RNF144A: variants seen among roughly 807,000 people sequenced by gnomAD.
The protein encoded by RNF144A is ring finger protein 144A.
Under a neutral mutation model 38.7 loss-of-function variants are expected in RNF144A, and 11 were observed. The ratio of observed to expected loss-of-function variants is 0.28; its 90% CI spans 0.18 to 0.47. The LOEUF (loss-of-function observed/expected upper bound fraction) is 0.47, where lower values mean the gene tolerates loss of function less well. Among genes scored for constraint, RNF144A ranks in the 20% least tolerant of loss-of-function variants. RNF144A has a pLI of 0.99. For missense variants in RNF144A, 316 were observed against 377.2 expected (o/e 0.84, Z 1.34); for synonymous variants, 149 against 143.9 (o/e 1.04, Z -0.25).
downstream of RNF144A, among the ~76,000 whole-genome samples, chr2:7,048,150 A>G (rs1362021273): frequency 4.6e-5 from 7 of 152,162 alleles, no homozygotes; most frequent in Non-Finnish European, 1.5e-5. Context: ...AGCTCAGGAA[A>G]TCCTGAGGGG....
chr2:6,955,815 C>G (rs1182837124), intron 2 of RNF144A, among the ~76,000 whole-genome samples: 1 of 152,058 alleles, frequency 6.6e-6, no homozygotes, highest in African/African-American at 2.4e-5. Flanking sequence ...GCTACAGGCC[C>G]TTTACTGGTC....
chr2:7,014,794 C>A lies in RNF144A; in HGVS notation c.301+22C>A, dbSNP rs180778216. ...AGAGGTAGGTGCCTGGTATATCTGC[C>A]GGTTATGATTCCTGTAATGTGTGAA... is the stretch of plus-strand genomic sequence containing the variant. On this transcript the variant is annotated intron_variant, in intron 5 of 8. Coordinates refer to ENST00000320892, the MANE Select transcript of RNF144A (RefSeq NM_014746.6). The A allele has an allele frequency of 3.2e-6, 5 of 1,550,530 alleles. No homozygotes were observed. In the South Asian group the frequency reaches 3.3e-5, roughly 10 times the overall value.
At chr2:7,005,657 C>A (rs1670391726) in intron 3 of RNF144A, among the ~76,000 whole-genome samples, 1 of 152,220 alleles carries the variant, frequency 6.6e-6, no homozygotes, top group South Asian at 2.1e-4. Context: ...AGACCAGCAC[C>A]CGTACCCCTC....
chr2:7,044,539 G>A (rs1558461601), downstream of RNF144A, among the ~76,000 whole-genome samples: 1 of 152,114 alleles, frequency 6.6e-6, no homozygotes, highest in East Asian at 1.9e-4. Context: ...GCTTCCATCC[G>A]CAAAGACAAG....
intron 2 of RNF144A, among the ~76,000 whole-genome samples, chr2:6,991,781 A>T (rs1225581662): frequency 6.6e-6 from 1 of 152,180 alleles, no homozygotes; most frequent in African/African-American, 2.4e-5. Context: ...CATATATAAT[A>T]TATATACACA....
At chr2:7,035,994 C>T (rs956327098) in intron 8 of RNF144A, among the ~76,000 whole-genome samples, 12 of 152,260 alleles carry the variant, frequency 7.9e-5, no homozygotes, top group African/African-American at 4.8e-5. Flanking sequence ...GCAGAGTGGC[C>T]GCGAATGCAA....
At chr2:6,931,776 T>C (rs1665221471) in intron 1 of RNF144A, among the ~76,000 whole-genome samples, 1 of 152,222 alleles carries the variant, frequency 6.6e-6, no homozygotes, top group Admixed American at 6.5e-5. Context: ...TTTAATTCCA[T>C]TGTGATATGA....
intron 2 of RNF144A, among the ~76,000 whole-genome samples, chr2:6,988,610 G>A (rs537864496): frequency 7.9e-5 from 12 of 152,284 alleles, no homozygotes; most frequent in East Asian, 1.9e-4. Flanking sequence ...TGTGGTCACC[G>A]TCAACACCAT....
intron 2 of RNF144A, among the ~76,000 whole-genome samples, chr2:6,954,827 C>T (rs1379437200): frequency 6.6e-6 from 1 of 152,218 alleles, no homozygotes; most frequent in East Asian, 1.9e-4. Context: ...GTGGAAAGAA[C>T]ACAGCACTGG....
intron 6 of RNF144A, among the ~76,000 whole-genome samples, chr2:7,054,115 C>T (rs146994098): frequency 2.4e-3 from 367 of 152,276 alleles, no homozygotes; most frequent in Non-Finnish European, 4.6e-3. Context: ...CAGGGGAGAG[C>T]CAGCTGCGCA....
Position 6,938,192 on chromosome 2 carries a change from A to AT in RNF144A, c.-211-2749dup, listed in dbSNP as rs1665712692. On this transcript the variant is annotated intron_variant, in intron 1 of 8. Transcript: ENST00000320892. ...GAGTAATCCAGACTTCGTCTTTTAA[A>AT]TTTTTTTCCACTTGGCATGTTTCTG... Among the ~76,000 whole-genome samples, 5 of 148,712 alleles carry AT rather than the reference A, an allele frequency of 3.4e-5. No homozygotes were observed. The South Asian group carries it at 1.1e-3, about 32-fold the overall frequency.
At chr2:7,066,151 G>T (rs546184316) in intron 6 of RNF144A, among the ~76,000 whole-genome samples, 1 of 151,902 alleles carries the variant, frequency 6.6e-6, no homozygotes, top group African/African-American at 2.4e-5. Context: ...TCAGTGGCCG[G>T]ATCTCGGCTC....
In RNF144A at chr2:7,014,546, A is replaced by G; in HGVS notation, c.228A>G (p.Leu76=). Reference sequence around the variant, plus strand: ...CTGCCTGCCCTAAACAGGGCCACCTACAGGAGAACGAGGCATGTGCAATTG... The same window carrying G: ...CTGCCTGCCCTAAACAGGGCCACCTGCAGGAGAACGAGGCATGTGCAATTG... The part of the protein sequence containing the change: ...PDAACPKQGH[L]QENEIECMVA... Residue 76 remains leucine, a synonymous_variant, in exon 4 of 9, where the codon CTA becomes CTG. Coordinates refer to ENST00000320892, the MANE Select transcript of RNF144A (RefSeq NM_014746.6). 2 of 1,600,930 alleles carry G rather than the reference A, an allele frequency of 1.2e-6. No individual in the cohort carries two copies. The highest frequency in any genetic ancestry group is 1.1e-5 in the South Asian group (1 of 89,214).
At chr2:6,937,304 C>T (rs920404379) in intron 1 of RNF144A, among the ~76,000 whole-genome samples, 1 of 152,222 alleles carries the variant, frequency 6.6e-6, no homozygotes, top group African/African-American at 2.4e-5. Flanking sequence ...GGATGCCAGT[C>T]AGCTGTGTGA....
chr2:7,014,002 C>T (rs1670979052), intron 3 of RNF144A, among the ~76,000 whole-genome samples: 1 of 152,224 alleles, frequency 6.6e-6, no homozygotes, highest in African/African-American at 2.4e-5. Flanking sequence ...TTTGCTGACT[C>T]AGTTTTCACA....
At chr2:6,952,545 A>G (rs1219642151) in intron 2 of RNF144A, among the ~76,000 whole-genome samples, 1 of 151,114 alleles carries the variant, frequency 6.6e-6, no homozygotes, top group Non-Finnish European at 1.5e-5. Context: ...CAAAGTTTGT[A>G]AAATTATTTG....
rs75047031 is a variant in RNF144A at position 6,924,309 on chromosome 2, C to T, written c.-212+6687C>T. On this transcript the variant is annotated intron_variant, in intron 1 of 8. Coordinates refer to ENST00000320892, the MANE Select transcript of RNF144A (RefSeq NM_014746.6). ...TCCGTGGCCGTGTTGCTGGGGGGCC[C>T]GAGGCACTGTGCGATGCACGGGAAG... is the stretch of plus-strand genomic sequence containing the variant. Among the ~76,000 whole-genome samples the T allele has an allele frequency of 3.7e-3, 557 of 151,386 alleles. 6 individuals are homozygous for T. Among genetic ancestry groups the T allele is most frequent in the African/African-American group, 0.013 (516 of 40,672 alleles).
intron 1 of RNF144A, among the ~76,000 whole-genome samples, chr2:6,920,546 T>C (rs1664477592): frequency 6.6e-6 from 1 of 152,194 alleles, no homozygotes; most frequent in Non-Finnish European, 1.5e-5. Flanking sequence ...CCTCAGACTC[T>C]CTTAGAGCAA....
intron 1 of RNF144A, among the ~76,000 whole-genome samples, chr2:6,923,349 G>A (rs1664661394): frequency 6.6e-6 from 1 of 152,084 alleles, no homozygotes; most frequent in African/African-American, 2.4e-5. Context: ...TGTGTGTTAA[G>A]CCTGTCGGTG....
Sources: allele counts gnomAD v4.1 joint callset (sites outside exome capture counted in the v4.1 genomes callset), GRCh38; gene constraint gnomAD v4.1.1; transcripts MANE v1.5; gene names NCBI Gene and HGNC (gene_info 2026-07-23, HGNC 2026-07-21).